The following IARS1 variants were observed in gnomAD, a reference collection of about 807,000 sequenced individuals.
The protein encoded by IARS1 is isoleucyl-tRNA synthetase 1.
IARS1 carries 124 observed loss-of-function variants against 168.2 expected under a neutral mutation model. The ratio of observed to expected loss-of-function variants is 0.74; its 90% CI spans 0.64 to 0.86. IARS1 has a LOEUF of 0.86. Ranked by LOEUF, IARS1 falls within the 40% of genes least tolerant of loss-of-function variation. IARS1 has a pLI of 0.00. For synonymous variants in IARS1, 532 were observed against 529.4 expected, an observed-to-expected ratio of 1.00 and a Z score of -0.07; for missense variants, 1,452 against 1,515.8, an observed-to-expected ratio of 0.96 and a Z score of 0.70.
chr9:92,276,476 T>C (rs144757151), intron 9 of IARS1, among the ~76,000 whole-genome samples: 2 of 152,068 alleles, frequency 1.3e-5, no homozygotes, highest in African/African-American at 4.8e-5. Context: ...GGGCAGAACA[T>C]ATGGAAATCC....
At chr9:92,288,946 C>T (rs1185835246) in intron 2 of IARS1, among the ~76,000 whole-genome samples, 2 of 152,084 alleles carry the variant, frequency 1.3e-5, no homozygotes, top group Non-Finnish European at 2.9e-5. Flanking sequence ...TGATGGCTCA[C>T]ACTTGTAATC....
chr9:92,254,418 G>C (rs1401394355), intron 20 of IARS1, among the ~76,000 whole-genome samples: 1 of 152,210 alleles, frequency 6.6e-6, no homozygotes, highest in African/African-American at 2.4e-5. Flanking sequence ...AATGAAAAGA[G>C]TCCAGGGACT....
intron 20 of IARS1, among the ~76,000 whole-genome samples, chr9:92,255,213 G>C (rs1830552828): frequency 6.6e-6 from 1 of 152,212 alleles, no homozygotes. Context: ...TCCTGTAGCA[G>C]TCCTTCTGTG....
intron 4 of IARS1, among the ~76,000 whole-genome samples, chr9:92,287,247 A>G (rs941585514): frequency 6.6e-6 from 1 of 152,270 alleles, no homozygotes; most frequent in Non-Finnish European, 1.5e-5. Flanking sequence ...TGAGAAGGCC[A>G]TGAAATACAA....
At chr9:92,269,828 C>T (rs1447358342) in intron 13 of IARS1, 57 bp downstream of exon 13, 1 of 1,164,212 alleles carries the variant, frequency 8.6e-7, no homozygotes. Context: ...AAGTGTAAAC[C>T]ATACTTACTA....
At chr9:92,286,923 T>A (rs1051413330) in intron 4 of IARS1, among the ~76,000 whole-genome samples, 9 of 152,174 alleles carry the variant, frequency 5.9e-5, no homozygotes, top group South Asian at 2.1e-4. Flanking sequence ...TCCATGGATG[T>A]TAAAATTAAT....
intron 24 of IARS1, 61 bp downstream of exon 24, chr9:92,250,126 C>T (rs1271341671): frequency 3.5e-6 from 4 of 1,136,092 alleles, no homozygotes; most frequent in African/African-American, 1.5e-5. Flanking sequence ...ATTAAAAAAG[C>T]ATTCCAAACA....
chr9:92,284,906 T>C (rs767801470), intron 6 of IARS1, among the ~76,000 whole-genome samples: 1 of 152,100 alleles, frequency 6.6e-6, no homozygotes, highest in Non-Finnish European at 1.5e-5. Context: ...AATACAAACA[T>C]GAGCACAGAG....
At chr9:92,286,137 G>C (rs1182378068) in intron 5 of IARS1, 1 of 310,368 alleles carries the variant, frequency 3.2e-6, no homozygotes, top group Non-Finnish European at 6.1e-6. Flanking sequence ...AGAGATCAAG[G>C]TGGATGGATC....
intron 16 of IARS1, among the ~76,000 whole-genome samples, chr9:92,264,506 G>A (rs1832002217): frequency 6.6e-6 from 1 of 151,962 alleles, no homozygotes; most frequent in Non-Finnish European, 1.5e-5. Flanking sequence ...GATTTTTTTA[G>A]AATGTTGATT....
chr9:92,255,177 T>C (rs975274297), intron 20 of IARS1, among the ~76,000 whole-genome samples: 1 of 152,192 alleles, frequency 6.6e-6, no homozygotes, highest in African/African-American at 2.4e-5. Flanking sequence ...TCGTGATCCT[T>C]CTACATGTTT....
At chr9:92,282,058 A>G (rs1292107171) in intron 6 of IARS1, among the ~76,000 whole-genome samples, 1 of 152,192 alleles carries the variant, frequency 6.6e-6, no homozygotes, top group Non-Finnish European at 1.5e-5. Context: ...TACAGCATCA[A>G]TGTTAATTTT....
intron 30 of IARS1, 32 bp from the exon 31 acceptor site, chr9:92,229,158 G>A (rs979454947): frequency 8.8e-6 from 14 of 1,597,254 alleles, no homozygotes; most frequent in Non-Finnish European, 9.4e-6. Context: ...ACCTCAATCA[G>A]ACAAATAAAA....
intron 13 of IARS1, among the ~76,000 whole-genome samples, chr9:92,269,495 A>G (rs1832730636): frequency 6.6e-6 from 1 of 152,238 alleles, no homozygotes; most frequent in Non-Finnish European, 1.5e-5. Context: ...AGGACCAACA[A>G]GAGTAAGTAC....
At chr9:92,246,430 C>T (rs1003354255) in intron 26 of IARS1, among the ~76,000 whole-genome samples, 2 of 152,182 alleles carry the variant, frequency 1.3e-5, no homozygotes, top group African/African-American at 4.8e-5. Context: ...CATGGCAGAG[C>T]TGCAAATTTC....
intron 4 of IARS1, chr9:92,287,492 A>G (rs576416085): frequency 1.1e-5 from 2 of 183,444 alleles, no homozygotes; most frequent in East Asian, 2.8e-4. Flanking sequence ...TGAAAAGTTA[A>G]AAAAATTGAA....
chr9:92,244,286 A>G (rs532601500), intron 27 of IARS1, among the ~76,000 whole-genome samples: 2 of 152,282 alleles, frequency 1.3e-5, no homozygotes, highest in South Asian at 4.1e-4. Context: ...TCCCACGTAG[A>G]GTTCTGTACA....
chr9:92,272,367 G>C (rs959177509), intron 10 of IARS1, among the ~76,000 whole-genome samples: 28 of 152,224 alleles, frequency 1.8e-4, no homozygotes, highest in African/African-American at 6.0e-4. Context: ...AAGCCCCTAA[G>C]TGCAGCAATT....
intron 14 of IARS1, among the ~76,000 whole-genome samples, chr9:92,265,867 C>T (rs903540505): frequency 6.6e-6 from 1 of 152,170 alleles, no homozygotes; most frequent in Non-Finnish European, 1.5e-5. Context: ...CCATGCTGCC[C>T]AGGCTGGTCT....
Sources: allele counts gnomAD v4.1 joint callset (sites outside exome capture counted in the v4.1 genomes callset), GRCh38; gene constraint gnomAD v4.1.1; transcripts MANE v1.5; gene names NCBI Gene and HGNC (gene_info 2026-07-23, HGNC 2026-07-21).